Variants in TEX36 observed in about 807,000 individuals in gnomAD.
TEX36 encodes the protein testis expressed 36.
In TEX36, 12 loss-of-function variants were observed where a neutral mutation model predicts 13.6. The observed-to-expected ratio is 0.88, with a 90% confidence interval of 0.56 to 1.43. The LOEUF (loss-of-function observed/expected upper bound fraction) is 1.43. TEX36 is among the 40% of genes most tolerant of loss of function. TEX36 has a pLI of 0.00. For missense variants in TEX36, 224 were observed against 228.3 expected (o/e 0.98, Z 0.12); for synonymous variants, 93 against 83.0 (o/e 1.12, Z -0.65).
chr10:125,609,585 C>T lies in TEX36; in HGVS notation c.265-32711G>A, dbSNP rs188705808. Among the ~76,000 whole-genome samples, 590 of 152,332 alleles carry T rather than the reference C, an allele frequency of 3.9e-3. 1 individual carries two copies. The highest frequency in any genetic ancestry group is 6.9e-3 in the Non-Finnish European group (468 of 68,032). ...CTTAATTCCTACGGCAACTTTGGAA[C>T]TACCATATTGAAGATGGCAGAGCCT... On this transcript the variant is annotated intron_variant, in intron 3 of 3. Transcript: ENST00000532135.
rs182113142 is a variant in TEX36, at chr10:125,587,203, A to G, written c.265-10329T>C. Among the ~76,000 whole-genome samples the G allele has an allele frequency of 2.0e-3, 301 of 152,280 alleles. 1 individual carries two copies. The highest frequency in any genetic ancestry group is 7.1e-3 in the African/African-American group (297 of 41,548). On this transcript the variant is annotated intron_variant, in intron 3 of 3. Transcript: ENST00000532135. ...TATTTCTTTACAGCAGTACAAGAACAAATTCACTGGGTGTGGTGGTGTGCT... is the reference window on the plus strand; with the variant it reads ...TATTTCTTTACAGCAGTACAAGAACGAATTCACTGGGTGTGGTGGTGTGCT...
chr10:125,630,668 G>A (rs1846541294), intron 3 of TEX36, among the ~76,000 whole-genome samples: 2 of 152,160 alleles, frequency 1.3e-5, no homozygotes, highest in Non-Finnish European at 2.9e-5. Context: ...AAGGCTGACT[G>A]CCATGCATGT....
intron 3 of TEX36, among the ~76,000 whole-genome samples, chr10:125,635,695 C>T (rs1846615379): frequency 6.6e-6 from 1 of 152,162 alleles, no homozygotes; most frequent in Admixed American, 6.5e-5. Context: ...GTCCTTGGGG[C>T]TCTGCCTGCT....
chr10:125,679,111 G>A lies in TEX36; in HGVS notation c.51+3828C>T, dbSNP rs568668870. On this transcript the variant is annotated intron_variant, in intron 1 of 3. Coordinates refer to ENST00000368821, the MANE Select transcript of TEX36 (RefSeq NM_001128202.3). ...GGCAGCAGTAGCCCATGTCTAGCTT[G>A]CTCCCCTTGGCTCTGGCTACAGGAG... Among the ~76,000 whole-genome samples, 97 of 149,006 alleles carry A rather than the reference G, an allele frequency of 6.5e-4. 1 individual carries two copies. The highest frequency in any genetic ancestry group is 3.5e-3 in the Middle Eastern group (1 of 288).
At chr10:125,655,079 C>A (rs1397366263), downstream of TEX36, among the ~76,000 whole-genome samples, 3 of 152,094 alleles carry the variant, frequency 2.0e-5, no homozygotes, top group African/African-American at 7.2e-5. Context: ...ATATAGGCAG[C>A]GATTTTTTAA....
At chr10:125,578,501 A>G (rs1845851904) in intron 3 of TEX36, 1 of 152,204 alleles carries the variant, frequency 6.6e-6, no homozygotes, top group Non-Finnish European at 1.5e-5. Flanking sequence ...GATAACATGG[A>G]CAGGACCCAG....
chr10:125,645,410 A>G (rs1163778541), intron 3 of TEX36, among the ~76,000 whole-genome samples: 1 of 152,046 alleles, frequency 6.6e-6, no homozygotes, highest in Non-Finnish European at 1.5e-5. Context: ...TAATAAGAGA[A>G]AGAAAGACCT....
chr10:125,608,578 T>C (rs1017932699), intron 3 of TEX36, among the ~76,000 whole-genome samples: 1 of 152,086 alleles, frequency 6.6e-6, no homozygotes, highest in Non-Finnish European at 1.5e-5. Flanking sequence ...ACTCCCTACA[T>C]GTCTAGTGTC....
At chr10:125,616,035 T>C (rs1846353266) in intron 3 of TEX36, among the ~76,000 whole-genome samples, 1 of 152,230 alleles carries the variant, frequency 6.6e-6, no homozygotes, top group Admixed American at 6.5e-5. Context: ...TTGAGGAATT[T>C]ATCCATTTCT....
chr10:125,659,849 A>G (rs1394204620), intron 3 of TEX36, among the ~76,000 whole-genome samples: 1 of 152,190 alleles, frequency 6.6e-6, no homozygotes, highest in Non-Finnish European at 1.5e-5. Context: ...CTTCATTATC[A>G]TGGACTTTCA....
At chr10:125,623,464 T>C (rs762135234) in intron 3 of TEX36, among the ~76,000 whole-genome samples, 2 of 151,986 alleles carry the variant, frequency 1.3e-5, no homozygotes, top group Non-Finnish European at 2.9e-5. Context: ...CCATCACATT[T>C]AGCACAGAAA....
At chr10:125,613,544 T>C (rs1056704276) in intron 3 of TEX36, among the ~76,000 whole-genome samples, 3 of 149,662 alleles carry the variant, frequency 2.0e-5, no homozygotes, top group African/African-American at 7.4e-5. Context: ...GGTTTTTTGT[T>C]CTTGCGATAG....
At chr10:125,592,951 C>T (rs1846039478) in intron 3 of TEX36, among the ~76,000 whole-genome samples, 1 of 152,176 alleles carries the variant, frequency 6.6e-6, no homozygotes, top group African/African-American at 2.4e-5. Flanking sequence ...GCAACACCCT[C>T]CAGGAACCTC....
chr10:125,664,826 T>C (rs1489032161), intron 1 of TEX36, among the ~76,000 whole-genome samples: 2 of 152,208 alleles, frequency 1.3e-5, no homozygotes, highest in Non-Finnish European at 2.9e-5. Context: ...AATTTACATT[T>C]CCACCAGCAG....
intron 3 of TEX36, among the ~76,000 whole-genome samples, chr10:125,586,672 T>C (rs1344626850): frequency 6.8e-6 from 1 of 146,184 alleles, no homozygotes; most frequent in Non-Finnish European, 1.5e-5. Context: ...CCAGGCATGG[T>C]GTCACACACT....
At chr10:125,584,119 C>T (rs1375949065) in intron 3 of TEX36, among the ~76,000 whole-genome samples, 4 of 152,180 alleles carry the variant, frequency 2.6e-5, no homozygotes, top group African/African-American at 4.8e-5. Flanking sequence ...AAGACCACCT[C>T]GAGAGAGAGG....
At position 125,576,919 on chromosome 10, in the gene TEX36, T is replaced by A. The variant is rs115195351; in HGVS notation, c.265-45A>T. On this transcript the variant is annotated intron_variant, in intron 3 of 3. Coordinates refer to the TEX36 transcript ENST00000532135. ...TGTAGAACCATGAGTAGTTGTGTGC[T>A]TAAATCCTTGTAGTTCAGCAATCAG... The A allele has an allele frequency of 1.4e-3, 2,096 of 1,535,296 alleles. 26 individuals are homozygous for A. In the African/African-American group the frequency reaches 0.026, roughly 19 times the overall value.
rs146776983 is a variant in TEX36 at position 125,605,484 on chromosome 10, C to A, written c.265-28610G>T. On this transcript the variant is annotated intron_variant, in intron 3 of 3. Transcript: ENST00000532135. ...GCAATGTGGTCAGTTAATCTCCATACACAGCATAGCACAGCAATGTGGTAA... is the reference window on the plus strand; with the variant it reads ...GCAATGTGGTCAGTTAATCTCCATAAACAGCATAGCACAGCAATGTGGTAA... Among the ~76,000 whole-genome samples the A allele has an allele frequency of 1.6e-3, 240 of 152,064 alleles. 2 individuals carry two copies. The highest frequency in any genetic ancestry group is 5.4e-3 in the African/African-American group (224 of 41,306).
intron 1 of TEX36, chr10:125,667,445 T>C (rs1847141781): frequency 4.3e-6 from 3 of 698,866 alleles, no homozygotes; most frequent in African/African-American, 1.8e-5. Flanking sequence ...GGCCAGGACG[T>C]TGGTATTTTC....
Sources: gnomAD v4.1 joint callset for allele counts (sites outside exome capture counted in the v4.1 genomes callset) on GRCh38, gnomAD v4.1.1 for gene constraint, MANE v1.5 for transcripts, NCBI Gene and HGNC (gene_info 2026-07-23, HGNC 2026-07-21) for gene names.